The following COL5A2 variants were observed in gnomAD, a reference collection of about 807,000 sequenced individuals.
COL5A2 encodes the protein collagen alpha-2(V) chain.
COL5A2 carries 23 observed loss-of-function variants against 208.2 expected under a neutral mutation model. The ratio of observed to expected loss-of-function variants is 0.11; its 90% confidence interval spans 0.08 to 0.16. COL5A2 has a LOEUF of 0.16. COL5A2 is among the 10% of genes least tolerant of loss of function. The probability of loss-of-function intolerance (pLI) is 1.00; values close to 1 mark genes in which losing one functional copy is unlikely to be tolerated. For missense variants in COL5A2, 1,590 were observed against 1,956.4 expected (o/e 0.81, Z 3.53); for synonymous variants, 625 against 628.5 (o/e 0.99, Z 0.08).
At chr2:189,230,821 C>A in the COL5A2 span, among the ~76,000 whole-genome samples, 1 of 151,996 alleles carries the variant, frequency 6.6e-6, no homozygotes, top group South Asian at 2.1e-4. Context: ...ACCATATGAT[C>A]CAGTCAGTTC....
intron 46 of COL5A2, 130 bp downstream of exon 46, chr2:189,045,670 G>A: frequency 1.3e-6 from 1 of 778,722 alleles, no homozygotes; most frequent in Non-Finnish European, 2.3e-6. Context: ...ATAATTAGCT[G>A]TTTACCATTC....
chr2:189,372,079 C>T, the COL5A2 span, among the ~76,000 whole-genome samples: 2 of 152,328 alleles, frequency 1.3e-5, no homozygotes, highest in Admixed American at 6.5e-5. Context: ...CTGCTCCCCA[C>T]ATCCCAGTTG....
At chr2:189,182,111 A>C (rs1688789057), upstream of COL5A2, among the ~76,000 whole-genome samples, 2 of 152,192 alleles carry the variant, frequency 1.3e-5, no homozygotes, top group Admixed American at 1.3e-4. Context: ...AAATATACAC[A>C]GGTATTGACC....
At chr2:189,046,871 C>T (rs1193643016) in intron 45 of COL5A2, among the ~76,000 whole-genome samples, 1 of 151,360 alleles carries the variant, frequency 6.6e-6, no homozygotes, top group Non-Finnish European at 1.5e-5. Context: ...GGGCTGTAAT[C>T]CCAGCACTTT....
At chr2:189,276,104 A>G in the COL5A2 span, among the ~76,000 whole-genome samples, 3 of 152,328 alleles carry the variant, frequency 2.0e-5, no homozygotes, top group East Asian at 5.8e-4. Context: ...ACTAATAACT[A>G]TCTTTCTGTC....
the COL5A2 span, among the ~76,000 whole-genome samples, chr2:189,382,207 T>G: frequency 1.3e-5 from 2 of 152,034 alleles, no homozygotes; most frequent in African/African-American, 2.4e-5. Context: ...TACAGCTCAG[T>G]GTTTCTATGT....
the COL5A2 span, among the ~76,000 whole-genome samples, chr2:189,306,490 C>T: frequency 6.6e-6 from 1 of 152,186 alleles, no homozygotes; most frequent in Non-Finnish European, 1.5e-5. Flanking sequence ...TCATCATGTG[C>T]ATTTTTAGGA....
intron 1 of COL5A2, among the ~76,000 whole-genome samples, chr2:189,117,792 TA>T (rs1687423398): frequency 6.6e-6 from 1 of 152,050 alleles, no homozygotes; most frequent in Admixed American, 6.6e-5. Flanking sequence ...ATATTGAATT[TA>T]TTATGTTTAT....
At chr2:189,172,607 A>T (rs1421055134) in intron 1 of COL5A2, among the ~76,000 whole-genome samples, 1 of 152,178 alleles carries the variant, frequency 6.6e-6, no homozygotes, top group Non-Finnish European at 1.5e-5. Flanking sequence ...AAACTGCTAA[A>T]TAGAACGAGG....
At chr2:189,253,895 T>G in the COL5A2 span, among the ~76,000 whole-genome samples, 1 of 152,264 alleles carries the variant, frequency 6.6e-6, no homozygotes, top group Admixed American at 6.5e-5. Flanking sequence ...ATTCTTTTGG[T>G]GCTTTGCACC....
chr2:189,318,701 T>A, the COL5A2 span, among the ~76,000 whole-genome samples: 4 of 152,220 alleles, frequency 2.6e-5, no homozygotes, highest in Non-Finnish European at 5.9e-5. Flanking sequence ...TCTTAACAAC[T>A]TTTATTTTAG....
At chr2:189,362,285 T>A in the COL5A2 span, among the ~76,000 whole-genome samples, 1 of 152,162 alleles carries the variant, frequency 6.6e-6, no homozygotes, top group African/African-American at 2.4e-5. Flanking sequence ...ATAATGGCTT[T>A]ATAAGGCCAC....
At chr2:189,249,441 G>A in the COL5A2 span, among the ~76,000 whole-genome samples, 9 of 152,218 alleles carry the variant, frequency 5.9e-5, no homozygotes, top group African/African-American at 1.9e-4. Flanking sequence ...CAGGATTCAA[G>A]TTTCTTTATT....
chr2:189,309,318 A>C, the COL5A2 span, among the ~76,000 whole-genome samples: 7 of 152,258 alleles, frequency 4.6e-5, no homozygotes, highest in African/African-American at 9.6e-5. Flanking sequence ...GGGCTCAAGC[A>C]TGAGAACTAA....
intron 48 of COL5A2, 78 bp from the exon 49 acceptor site, chr2:189,042,851 T>C: frequency 7.2e-7 from 1 of 1,384,366 alleles, no homozygotes; most frequent in East Asian, 2.4e-5. Flanking sequence ...TGTGCTATCA[T>C]TGACTTTAGC....
chr2:189,363,535 T>G, the COL5A2 span, among the ~76,000 whole-genome samples: 1 of 152,196 alleles, frequency 6.6e-6, no homozygotes, highest in African/African-American at 2.4e-5. Context: ...ATTCTTATTC[T>G]TATTTGTATT....
Position 189,045,794 on chromosome 2 carries a change from C to G in COL5A2, c.3309+6G>C, listed in dbSNP as rs775681859. 3 of 1,613,018 alleles carry G rather than the reference C, an allele frequency of 1.9e-6. No homozygotes were observed. The highest frequency in any genetic ancestry group is 2.5e-6 in the Non-Finnish European group (3 of 1,179,146). On this transcript the variant is annotated splice_donor_region_variant and intron_variant, in intron 46 of 53. Coordinates refer to ENST00000374866, the MANE Select transcript of COL5A2 (RefSeq NM_000393.5). ...ACTGTCAGTGTGAAATTGACTCCCT[C>G]CTTACCGGATCTCCTCTTTGTCCTG...
the COL5A2 span, among the ~76,000 whole-genome samples, chr2:189,395,920 A>G: frequency 2.0e-5 from 3 of 150,642 alleles, no homozygotes; most frequent in Non-Finnish European, 4.4e-5. Flanking sequence ...AAAAAAAAAA[A>G]AAAAAAAAGA....
chr2:189,194,831 C>T (rs939120761), intron 1 of COL5A2, among the ~76,000 whole-genome samples: 6 of 152,084 alleles, frequency 3.9e-5, no homozygotes, highest in African/African-American at 9.7e-5. Flanking sequence ...CTGACGAAGG[C>T]CTTTTCTGCA....
Sources: allele counts gnomAD v4.1 joint callset (sites outside exome capture counted in the v4.1 genomes callset), GRCh38; gene constraint gnomAD v4.1.1; transcripts MANE v1.5; gene names NCBI Gene and HGNC (gene_info 2026-07-23, HGNC 2026-07-21).